TRIM44: variants seen among roughly 807,000 people sequenced by gnomAD.
TRIM44 encodes tripartite motif containing 44, also known as tripartite motif-containing protein 44.
Under a neutral mutation model 37.4 loss-of-function variants are expected in TRIM44, and 13 were observed. The observed-to-expected ratio is 0.35, with a 90% CI of 0.23 to 0.55. TRIM44 has a LOEUF of 0.55. Among genes scored for constraint, TRIM44 ranks in the 20% least tolerant of loss-of-function variants. TRIM44 has a pLI of 0.89. For synonymous variants in TRIM44, 175 were observed against 157.2 expected (o/e 1.11, Z -0.85); for missense variants, 426 against 437.2 (o/e 0.97, Z 0.23).
chr11:35,815,851 G>A lies in TRIM44; in HGVS notation c.*9466G>A, dbSNP rs1853575472. ...GAGAAAATCCATCTGGAGTGTTTAT[G>A]CCCCTCTGAATAGCCAAGTCATGGG... On this transcript the variant is annotated 3_prime_UTR_variant, in exon 5 of 5. Transcript: ENST00000299413. The A allele has an allele frequency of 1.3e-5, 2 of 152,156 alleles. No individual in the cohort carries two copies. The highest frequency in any genetic ancestry group is 4.1e-4 in the South Asian group (2 of 4,828). 9.4% of individuals were successfully genotyped at this position (152,156 alleles called of 1,614,324 possible).
At chr11:35,799,839 G>A (rs1025509644) in intron 4 of TRIM44, among the ~76,000 whole-genome samples, 1 of 152,188 alleles carries the variant, frequency 6.6e-6, no homozygotes, top group Non-Finnish European at 1.5e-5. Context: ...AGGCTCATAG[G>A]ATAAAATAGA....
chr11:35,683,475 AT>A (rs2135489806), intron 1 of TRIM44, among the ~76,000 whole-genome samples: 1 of 152,242 alleles, frequency 6.6e-6, no homozygotes, highest in East Asian at 1.9e-4. Context: ...CTTATTAGGT[AT>A]TTCCTATTTT....
At chr11:35,712,140 C>T (rs1469106465) in intron 2 of TRIM44, among the ~76,000 whole-genome samples, 1 of 152,120 alleles carries the variant, frequency 6.6e-6, no homozygotes, top group Non-Finnish European at 1.5e-5. Flanking sequence ...AGTAGTTCAG[C>T]ATAGGTCTGT....
At chr11:35,714,866 A>G (rs568637142) in intron 2 of TRIM44, among the ~76,000 whole-genome samples, 2 of 152,314 alleles carry the variant, frequency 1.3e-5, no homozygotes, top group African/African-American at 4.8e-5. Context: ...CAGGAAAACA[A>G]GATGGAATAG....
chr11:35,730,315 A>G (rs139521174), intron 3 of TRIM44, among the ~76,000 whole-genome samples: 1 of 152,360 alleles, frequency 6.6e-6, no homozygotes, highest in African/African-American at 2.4e-5. Flanking sequence ...GCAAAAAAAC[A>G]TGGAAAAATA....
At chr11:35,720,295 T>C (rs1852085293) in intron 2 of TRIM44, among the ~76,000 whole-genome samples, 1 of 152,200 alleles carries the variant, frequency 6.6e-6, no homozygotes, top group African/African-American at 2.4e-5. Context: ...CTAATGTAAA[T>C]GGTATTATCT....
chr11:35,679,850 TA>T (rs1162870988), intron 1 of TRIM44, among the ~76,000 whole-genome samples: 2 of 152,174 alleles, frequency 1.3e-5, no homozygotes, highest in African/African-American at 4.8e-5. Flanking sequence ...CTTCCTCATT[TA>T]CAGATGGAAA....
At chr11:35,683,867 A>G (rs1247715874) in intron 1 of TRIM44, among the ~76,000 whole-genome samples, 1 of 152,004 alleles carries the variant, frequency 6.6e-6, no homozygotes, top group Non-Finnish European at 1.5e-5. Flanking sequence ...AAAAAAATAC[A>G]GTTCTTACCC....
At chr11:35,697,549 C>T (rs1851720756) in intron 2 of TRIM44, among the ~76,000 whole-genome samples, 1 of 151,370 alleles carries the variant, frequency 6.6e-6, no homozygotes, top group African/African-American at 2.4e-5. Context: ...GTGTGCTGCA[C>T]CCATTAACTG....
At chr11:35,702,953 G>A (rs892373651) in intron 2 of TRIM44, among the ~76,000 whole-genome samples, 1 of 152,232 alleles carries the variant, frequency 6.6e-6, no homozygotes, top group African/African-American at 2.4e-5. Flanking sequence ...GCAGGGCGAG[G>A]CATTGCCTCA....
chr11:35,753,894 A>C (rs565555422), intron 4 of TRIM44, among the ~76,000 whole-genome samples: 3 of 152,014 alleles, frequency 2.0e-5, no homozygotes, highest in Non-Finnish European at 4.4e-5. Context: ...ATGCCTGGCT[A>C]ATTTTTGTAT....
At chr11:35,680,068 C>CT (rs1249877923) in intron 1 of TRIM44, among the ~76,000 whole-genome samples, 8 of 152,244 alleles carry the variant, frequency 5.3e-5, no homozygotes, top group African/African-American at 1.9e-4. Context: ...CCCCTGAAAT[C>CT]CATACATGAA....
intron 4 of TRIM44, among the ~76,000 whole-genome samples, chr11:35,736,217 C>T (rs1324479516): frequency 3.3e-5 from 5 of 152,200 alleles, no homozygotes; most frequent in African/African-American, 9.6e-5. Flanking sequence ...ATCCAGGCCA[C>T]TGCTATTCAA....
intron 4 of TRIM44, among the ~76,000 whole-genome samples, chr11:35,796,232 G>A (rs140422362): frequency 1.5e-4 from 22 of 149,428 alleles, no homozygotes; most frequent in East Asian, 7.8e-4. Context: ...GTGTGCGCGC[G>A]CGCACGTGTG....
chr11:35,673,789 T>G (rs1239967188), intron 1 of TRIM44, among the ~76,000 whole-genome samples: 3 of 152,084 alleles, frequency 2.0e-5, no homozygotes, highest in Non-Finnish European at 4.4e-5. Context: ...GCTCCTCTGG[T>G]GATAAAGGAC....
At chr11:35,775,739 T>C (rs1433335662) in intron 4 of TRIM44, among the ~76,000 whole-genome samples, 1 of 152,248 alleles carries the variant, frequency 6.6e-6, no homozygotes, top group African/African-American at 2.4e-5. Flanking sequence ...ATTTGGTTTT[T>C]GTCTTTGGTG....
rs538790181 is a variant in TRIM44 at position 35,704,724 on chromosome 11, C to A, written c.747+19388C>A. 3.3e-3 allele frequency among the ~76,000 whole-genome samples: 507 copies of A among 152,254 alleles called. 2 individuals carry two copies. Among genetic ancestry groups the A allele is most frequent in the Non-Finnish European group, 3.7e-3 (253 of 68,010 alleles). ...ACAAGCAAATGCTGAGAGATTTTGT[C>A]ACCACCAGGCCTGCCTTACAAGAGC... On this transcript the variant is annotated intron_variant, in intron 2 of 4. Transcript: ENST00000299413.
chr11:35,774,200 A>G (rs1284480928), intron 4 of TRIM44, among the ~76,000 whole-genome samples: 1 of 152,026 alleles, frequency 6.6e-6, no homozygotes, highest in African/African-American at 2.4e-5. Flanking sequence ...TGTAGATTTG[A>G]TTTGCATTTC....
intron 4 of TRIM44, among the ~76,000 whole-genome samples, chr11:35,799,249 G>A (rs866118426): frequency 6.6e-6 from 1 of 152,216 alleles, no homozygotes; most frequent in Non-Finnish European, 1.5e-5. Flanking sequence ...AAGAAAGGTA[G>A]CTACCTATAA....
Sources: gnomAD v4.1 joint callset for allele counts (sites outside exome capture counted in the v4.1 genomes callset) on GRCh38, gnomAD v4.1.1 for gene constraint, MANE v1.5 for transcripts, NCBI Gene and HGNC (gene_info 2026-07-23, HGNC 2026-07-21) for gene names.